Variants in DPP10 observed in about 807,000 individuals in gnomAD.
The protein encoded by DPP10 is inactive dipeptidyl peptidase 10.
In DPP10, 33 loss-of-function variants were observed where a neutral mutation model predicts 120.9. That is an observed-to-expected ratio of 0.27 (90% CI 0.21 to 0.37). DPP10 has a LOEUF of 0.37. Ranked by LOEUF, DPP10 falls within the 10% of genes least tolerant of loss-of-function variation. The pLI is 1.00. For missense variants in DPP10, 816 were observed against 942.8 expected, an observed-to-expected ratio of 0.87 and a Z score of 1.76; for synonymous variants, 337 against 326.1, an observed-to-expected ratio of 1.03 and a Z score of -0.36.
chr2:114,554,350 T>C (rs1472213127), intron 1 of DPP10, among the ~76,000 whole-genome samples: 7 of 152,188 alleles, frequency 4.6e-5, no homozygotes, highest in African/African-American at 1.7e-4. Flanking sequence ...TGTGAGGAGT[T>C]CTGGTTCTGG....
intron 1 of DPP10, among the ~76,000 whole-genome samples, chr2:114,445,534 C>CTGTGTGTGTGTG (rs145248880): frequency 4.2e-5 from 6 of 143,520 alleles, no homozygotes; most frequent in East Asian, 4.3e-4. Flanking sequence ...AAAAACAGCT[C>CTGTGTGTGTGTG]TGTGTGTGTG....
intron 1 of DPP10, among the ~76,000 whole-genome samples, chr2:114,497,240 C>T (rs529061550): frequency 3.6e-5 from 5 of 137,878 alleles, no homozygotes; most frequent in South Asian, 2.3e-4. Context: ...CGTGCGTATA[C>T]ATGTGTATGC....
At chr2:114,895,696 C>T (rs191127275) in intron 1 of DPP10, among the ~76,000 whole-genome samples, 1 of 152,290 alleles carries the variant, frequency 6.6e-6, no homozygotes, top group Non-Finnish European at 1.5e-5. Flanking sequence ...TGGTTTCGAA[C>T]TTATTTTTCA....
intron 3 of DPP10, among the ~76,000 whole-genome samples, chr2:115,471,712 G>C (rs895005240): frequency 6.6e-6 from 1 of 151,880 alleles, no homozygotes; most frequent in African/African-American, 2.4e-5. Context: ...TCAGCCTCCT[G>C]AGTAGCTGGG....
intron 1 of DPP10, among the ~76,000 whole-genome samples, chr2:114,864,520 C>T (rs528986368): frequency 6.6e-6 from 1 of 152,290 alleles, no homozygotes; most frequent in African/African-American, 2.4e-5. Context: ...GATCACATCA[C>T]CATGAAACAT....
At chr2:115,822,039 A>G (rs1687868907) in intron 21 of DPP10, among the ~76,000 whole-genome samples, 1 of 152,016 alleles carries the variant, frequency 6.6e-6, no homozygotes, top group South Asian at 2.1e-4. Context: ...AACACTTAAT[A>G]TCATCAGTCT....
intron 9 of DPP10, among the ~76,000 whole-genome samples, chr2:115,744,823 T>C (rs1318471983): frequency 6.6e-6 from 1 of 150,528 alleles, no homozygotes; most frequent in Non-Finnish European, 1.5e-5. Flanking sequence ...TCAGTTTTAT[T>C]CCCTTTAGGT....
intron 1 of DPP10, among the ~76,000 whole-genome samples, chr2:115,243,697 AATCT>A (rs2058392828): frequency 6.6e-6 from 1 of 152,080 alleles, no homozygotes; most frequent in Non-Finnish European, 1.5e-5. Flanking sequence ...GACTCATACA[AATCT>A]GTATCATGAT....
chr2:115,758,841 T>C (rs1679751954), intron 11 of DPP10, among the ~76,000 whole-genome samples: 1 of 152,106 alleles, frequency 6.6e-6, no homozygotes, highest in Non-Finnish European at 1.5e-5. Context: ...AGCAGTTCAA[T>C]GGAGAAAAAT....
chr2:115,509,311 A>G (rs17044595), intron 4 of DPP10, among the ~76,000 whole-genome samples: 32,240 of 152,042 alleles, frequency 0.21, 3,928 homozygotes, highest in East Asian at 0.39. Flanking sequence ...ATAAAAAGAA[A>G]GTAACAAAAT....
chr2:115,459,376 C>T (rs190442168), intron 3 of DPP10, among the ~76,000 whole-genome samples: 168 of 152,016 alleles, frequency 1.1e-3, no homozygotes, highest in African/African-American at 3.8e-3. Context: ...AGGGTGGTCT[C>T]GAACTCTTGA....
chr2:115,658,143 T>C (rs776079515), intron 5 of DPP10, among the ~76,000 whole-genome samples: 3 of 151,986 alleles, frequency 2.0e-5, no homozygotes, highest in Non-Finnish European at 4.4e-5. Flanking sequence ...GAAGTACATA[T>C]CCAAATATCA....
intron 1 of DPP10, among the ~76,000 whole-genome samples, chr2:115,264,561 T>C (rs2059383501): frequency 6.6e-6 from 1 of 152,212 alleles, no homozygotes. Flanking sequence ...AGAGGCATTG[T>C]GGCTAAACCA....
At chr2:115,698,360 C>A (rs1348494571) in intron 7 of DPP10, among the ~76,000 whole-genome samples, 1 of 152,124 alleles carries the variant, frequency 6.6e-6, no homozygotes, top group African/African-American at 2.4e-5. Flanking sequence ...GCAGCAAAAA[C>A]AGTGTAAGCG....
At chr2:115,437,876 A>G (rs981867515) in intron 3 of DPP10, among the ~76,000 whole-genome samples, 12 of 152,126 alleles carry the variant, frequency 7.9e-5, no homozygotes, top group African/African-American at 2.9e-4. Context: ...TATTCAAACA[A>G]TATAATTTCT....
intron 1 of DPP10, among the ~76,000 whole-genome samples, chr2:114,934,235 T>C (rs1696290960): frequency 6.6e-6 from 1 of 152,134 alleles, no homozygotes; most frequent in African/African-American, 2.4e-5. Context: ...AAAATCCAAG[T>C]ATAACTTTTG....
chr2:115,028,621 T>A (rs1703633334), intron 1 of DPP10, among the ~76,000 whole-genome samples: 1 of 152,048 alleles, frequency 6.6e-6, no homozygotes, highest in Non-Finnish European at 1.5e-5. Context: ...GATTATTTGT[T>A]GACTTTTTTG....
At chr2:115,169,837 A>G (rs1452349732) in intron 1 of DPP10, among the ~76,000 whole-genome samples, 3 of 152,216 alleles carry the variant, frequency 2.0e-5, no homozygotes, top group Non-Finnish European at 1.5e-5. Context: ...GGTCAAGACA[A>G]AATAACTATG....
At chr2:115,028,639 C>T (rs1304044443) in intron 1 of DPP10, among the ~76,000 whole-genome samples, 1 of 151,872 alleles carries the variant, frequency 6.6e-6, no homozygotes, top group Non-Finnish European at 1.5e-5. Flanking sequence ...TTGTCCACTA[C>T]TGAAAGTAGG....
Sources: allele counts gnomAD v4.1 joint callset (sites outside exome capture counted in the v4.1 genomes callset), GRCh38; gene constraint gnomAD v4.1.1; transcripts MANE v1.5; gene names NCBI Gene and HGNC (gene_info 2026-07-23, HGNC 2026-07-21).